PRKG1: variants seen among roughly 807,000 people sequenced by gnomAD.
PRKG1 encodes the protein cGMP-dependent protein kinase 1.
Under a neutral mutation model 88.1 loss-of-function variants are expected in PRKG1, and 35 were observed. The ratio of observed to expected loss-of-function variants is 0.40; its 90% CI spans 0.30 to 0.53. The LOEUF (loss-of-function observed/expected upper bound fraction) is 0.53. PRKG1 is among the 20% of genes least tolerant of loss of function. The pLI, the probability that PRKG1 is intolerant of heterozygous loss-of-function variation, is 0.59. For missense variants in PRKG1, 540 were observed against 839.8 expected (o/e 0.64, Z 4.41); for synonymous variants, 303 against 292.5 (o/e 1.04, Z -0.37).
In PRKG1 at chr10:51,689,501, G is replaced by T. The variant is rs73343304; in HGVS notation, c.593-115084G>T. ...TCATTCATGACAATCATCAAGTTTG[G>T]TGGGTGCATAGAAGAACCATTATGC... On this transcript the variant is annotated intron_variant, in intron 3 of 17. Coordinates refer to ENST00000373980, the MANE Select transcript of PRKG1 (RefSeq NM_006258.4). Among the ~76,000 whole-genome samples the T allele has an allele frequency of 5.7e-3, 874 of 152,232 alleles. 7 individuals are homozygous for T. The highest frequency in any genetic ancestry group is 0.02 in the African/African-American group (827 of 41,536).
intron 3 of PRKG1, among the ~76,000 whole-genome samples, chr10:51,576,475 G>A (rs10998278): frequency 0.069 from 10,514 of 151,894 alleles, 1,198 homozygotes; most frequent in African/African-American, 0.24. Flanking sequence ...TATGTGTTAT[G>A]TCCTATTTCA....
At chr10:51,597,236 C>A (rs2132219316) in intron 3 of PRKG1, among the ~76,000 whole-genome samples, 1 of 151,932 alleles carries the variant, frequency 6.6e-6, no homozygotes, top group African/African-American at 2.4e-5. Flanking sequence ...GCTACATACT[C>A]TTTTTAAAAG....
chr10:51,624,084 C>A (rs530862803), intron 3 of PRKG1, among the ~76,000 whole-genome samples: 1 of 152,150 alleles, frequency 6.6e-6, no homozygotes, highest in East Asian at 1.9e-4. Context: ...AGAAAAGTGA[C>A]TCTCTTACTT....
intron 2 of PRKG1, among the ~76,000 whole-genome samples, chr10:51,205,138 T>A (rs780079655): frequency 0.014 from 1,458 of 103,930 alleles, 65 homozygotes; most frequent in African/African-American, 0.05. Context: ...TTTTTTTTTT[T>A]TTTTTTTTTT....
At chr10:52,251,858 A>G (rs1841180550) in intron 10 of PRKG1, 192 bp downstream of exon 10, 1 of 499,726 alleles carries the variant, frequency 2.0e-6, no homozygotes, top group Non-Finnish European at 3.5e-6. Flanking sequence ...TATGCAGTCA[A>G]CGACTAAAAA....
intron 5 of PRKG1, among the ~76,000 whole-genome samples, chr10:52,019,679 A>T (rs866024131): frequency 1.2e-4 from 18 of 152,302 alleles, no homozygotes; most frequent in Middle Eastern, 6.8e-3. Flanking sequence ...GAAGTATTTT[A>T]TTTGGGAGAA....
At position 51,648,838 on chromosome 10, in the gene PRKG1, T is replaced by C. The variant is rs192205200; in HGVS notation, c.593-155747T>C. Among the ~76,000 whole-genome samples, 201 of 152,290 alleles carry C rather than the reference T, an allele frequency of 1.3e-3. 2 individuals carry two copies. In the Middle Eastern group the frequency reaches 0.041, roughly 31 times the overall value. On this transcript the variant is annotated intron_variant, in intron 3 of 17. Transcript: ENST00000373980. The stretch of plus-strand genomic sequence containing the variant: ...ATTTCTAGGAATTAACTATGTCACA[T>C]GGAGGAAGTAATTATATTCCAGTAG...
intron 2 of PRKG1, among the ~76,000 whole-genome samples, chr10:51,415,611 T>C (rs1443397622): frequency 6.6e-6 from 1 of 152,176 alleles, no homozygotes; most frequent in Non-Finnish European, 1.5e-5. Flanking sequence ...AAAGGATTAT[T>C]GATCACAATT....
rs1846654797 is a variant in PRKG1, at chr10:51,169,897, T to C, written c.478+16567T>C. On this transcript the variant is annotated intron_variant, in intron 2 of 17. Transcript: ENST00000373980. ...TCTGCCCTGCTTCCCTACTAGATTCTGCACTCACCACTTCATACTTCTGGC... is the reference window on the plus strand; with the variant it reads ...TCTGCCCTGCTTCCCTACTAGATTCCGCACTCACCACTTCATACTTCTGGC... Among the ~76,000 whole-genome samples the C allele has an allele frequency of 2.0e-5, 3 of 152,124 alleles. No homozygotes were observed. In the South Asian group the frequency reaches 6.2e-4, roughly 31 times the overall value.
chr10:51,009,861 T>C (rs1842974718), intron 1 of PRKG1, among the ~76,000 whole-genome samples: 1 of 152,222 alleles, frequency 6.6e-6, no homozygotes, highest in Non-Finnish European at 1.5e-5. Flanking sequence ...ACATTCATGC[T>C]ACCCAGAGAG....
intron 8 of PRKG1, among the ~76,000 whole-genome samples, chr10:52,148,781 G>C (rs1043932162): frequency 6.6e-6 from 1 of 152,006 alleles, no homozygotes; most frequent in Non-Finnish European, 1.5e-5. Context: ...GAGACCACTG[G>C]GGTGAATGGT....
At chr10:51,022,341 G>T (rs1482878196) in intron 1 of PRKG1, among the ~76,000 whole-genome samples, 1 of 152,202 alleles carries the variant, frequency 6.6e-6, no homozygotes, top group South Asian at 2.1e-4. Flanking sequence ...CTGTGTCTGG[G>T]TTTGGAACAC....
At chr10:51,145,472 T>C (rs1845921906) in intron 1 of PRKG1, among the ~76,000 whole-genome samples, 1 of 152,186 alleles carries the variant, frequency 6.6e-6, no homozygotes, top group Non-Finnish European at 1.5e-5. Context: ...TACGGTCTTA[T>C]TTATTCTCAG....
rs76212317 is a variant in PRKG1 at position 51,507,929 on chromosome 10, A to C, written c.592+40093A>C. ...TAGGAAATACAAAGGTAAACAGTTA[A>C]ACATGTGTAATTTTTTTTAAACTTA... is the stretch of plus-strand genomic sequence containing the variant. On this transcript the variant is annotated intron_variant, in intron 3 of 17. Transcript: ENST00000373980. 1.2e-3 allele frequency among the ~76,000 whole-genome samples: 183 copies of C among 152,224 alleles called. 2 individuals carry two copies. Among genetic ancestry groups the C allele is most frequent in the African/African-American group, 4.3e-3 (177 of 41,508 alleles).
intron 10 of PRKG1, among the ~76,000 whole-genome samples, chr10:52,265,629 C>G (rs1327472218): frequency 6.6e-6 from 1 of 152,006 alleles, no homozygotes; most frequent in Non-Finnish European, 1.5e-5. Context: ...CTTTTTAAGG[C>G]AACCAGATAC....
intron 2 of PRKG1, among the ~76,000 whole-genome samples, chr10:51,367,219 C>G (rs1281377306): frequency 6.6e-6 from 1 of 151,836 alleles, no homozygotes; most frequent in Non-Finnish European, 1.5e-5. Flanking sequence ...TTATGCTGCA[C>G]GTATCCAATT....
At chr10:51,226,654 G>A (rs1366714504) in intron 2 of PRKG1, among the ~76,000 whole-genome samples, 3 of 152,128 alleles carry the variant, frequency 2.0e-5, no homozygotes, top group African/African-American at 4.8e-5. Context: ...TTAGAAACTA[G>A]GAGGGTTAGT....
intron 2 of PRKG1, among the ~76,000 whole-genome samples, chr10:51,173,130 C>A (rs895859340): frequency 1.3e-5 from 2 of 151,970 alleles, no homozygotes; most frequent in Admixed American, 6.6e-5. Context: ...CTTTTCACAT[C>A]TAGAATTATC....
intron 10 of PRKG1, among the ~76,000 whole-genome samples, chr10:52,257,814 C>T (rs1455862527): frequency 7.2e-6 from 1 of 139,358 alleles, no homozygotes; most frequent in African/African-American, 2.5e-5. Flanking sequence ...ATAAGTTCTT[C>T]AGAGAACTAA....
Sources: allele counts gnomAD v4.1 joint callset (sites outside exome capture counted in the v4.1 genomes callset), GRCh38; gene constraint gnomAD v4.1.1; transcripts MANE v1.5; gene names NCBI Gene and HGNC (gene_info 2026-07-23, HGNC 2026-07-21).